RUNX2: variants seen among roughly 807,000 people sequenced by gnomAD.
RUNX2 encodes RUNX family transcription factor 2.
RUNX2 carries 10 observed loss-of-function variants against 51.7 expected under a neutral mutation model. The ratio of observed to expected loss-of-function variants is 0.19; its 90% CI spans 0.12 to 0.33. RUNX2 has a LOEUF of 0.33. RUNX2 is among the 10% of genes least tolerant of loss of function. The pLI is 1.00. For synonymous variants in RUNX2, 276 were observed against 273.6 expected (o/e 1.01, Z -0.09); for missense variants, 562 against 691.3 (o/e 0.81, Z 2.10).
intron 2 of RUNX2, among the ~76,000 whole-genome samples, chr6:45,347,798 CTGTT>C (rs71852451): frequency 0.17 from 25,948 of 151,494 alleles, 3,295 homozygotes; most frequent in African/African-American, 0.36. Flanking sequence ...CATTAAAACA[CTGTT>C]TGTCTATTTA....
chr6:45,372,050 C>A, intron 2 of RUNX2: 1 of 965,766 alleles, frequency 1.0e-6, no homozygotes, highest in Non-Finnish European at 1.2e-6. Context: ...CATAACTAAC[C>A]CAAAAGGCCT....
chr6:45,474,054 A>G (rs1051702242), intron 5 of RUNX2, among the ~76,000 whole-genome samples: 1 of 152,184 alleles, frequency 6.6e-6, no homozygotes, highest in Admixed American at 6.5e-5. Context: ...CCCTTAATCC[A>G]GTGAAATATG....
chr6:45,443,775 G>A (rs1220421405), intron 5 of RUNX2, among the ~76,000 whole-genome samples: 2 of 152,290 alleles, frequency 1.3e-5, no homozygotes, highest in East Asian at 3.9e-4. Flanking sequence ...TTAGATGTTT[G>A]AACAAAAAGA....
intron 5 of RUNX2, among the ~76,000 whole-genome samples, chr6:45,462,746 G>A (rs766301363): frequency 1.3e-5 from 2 of 152,242 alleles, no homozygotes; most frequent in African/African-American, 4.8e-5. Flanking sequence ...TGAAATCAAA[G>A]TGTGTACAAA....
intron 2 of RUNX2, among the ~76,000 whole-genome samples, chr6:45,397,607 CT>C (rs1797611885): frequency 1.3e-5 from 2 of 152,192 alleles, no homozygotes; most frequent in Admixed American, 1.3e-4. Flanking sequence ...TTGCTTTCCC[CT>C]AATGACTAGT....
At chr6:45,395,661 T>C (rs1313239151) in intron 2 of RUNX2, among the ~76,000 whole-genome samples, 3 of 152,308 alleles carry the variant, frequency 2.0e-5, no homozygotes, top group Middle Eastern at 3.4e-3. Flanking sequence ...TCATACACTA[T>C]TTAACCCAAG....
chr6:45,420,122 A>T (rs1395776378), intron 2 of RUNX2, among the ~76,000 whole-genome samples: 1 of 152,048 alleles, frequency 6.6e-6, no homozygotes, highest in Non-Finnish European at 1.5e-5. Context: ...GAGAGCGCAC[A>T]CCTGGCTACC....
intron 2 of RUNX2, among the ~76,000 whole-genome samples, chr6:45,338,825 C>T (rs11963924): frequency 0.23 from 34,324 of 151,872 alleles, 4,539 homozygotes; most frequent in Non-Finnish European, 0.31. Context: ...ATCCAGGGCA[C>T]AAAATTTAAG....
Position 45,546,926 on chromosome 6 carries a change from C to T in RUNX2, c.1187C>T (p.Ala396Val), listed in dbSNP as rs1022790945. 2 of 1,614,034 alleles carry T rather than the reference C, an allele frequency of 1.2e-6. No homozygotes were observed. Among genetic ancestry groups the T allele is most frequent in the South Asian group, 1.1e-5 (1 of 91,074 alleles). The change falls in exon 9 of 9, where the codon GCC becomes GTC. Residue 396 changes from alanine to valine, a missense_variant. Transcript: ENST00000647337. ...RFSNPRMHYP[A>V]TFTYTPPVTS... ...TCCAACCCACGAATGCACTATCCAG[C>T]CACCTTTACTTACACCCCGCCAGTC...
intron 6 of RUNX2, among the ~76,000 whole-genome samples, chr6:45,506,657 T>C (rs567622704): frequency 1.3e-5 from 2 of 152,122 alleles, no homozygotes; most frequent in South Asian, 4.2e-4. Context: ...AACAACAGTT[T>C]TGTTGTTGTT....
At chr6:45,360,237 C>G (rs1291824020) in intron 2 of RUNX2, among the ~76,000 whole-genome samples, 1 of 152,018 alleles carries the variant, frequency 6.6e-6, no homozygotes, top group East Asian at 1.9e-4. Context: ...ATTCTTTCGT[C>G]TATAAAAGGG....
chr6:45,432,298 G>A (rs900587487), intron 4 of RUNX2, among the ~76,000 whole-genome samples: 3 of 152,134 alleles, frequency 2.0e-5, no homozygotes, highest in Non-Finnish European at 2.9e-5. Context: ...AACAGTTGGA[G>A]GATCAACTTC....
chr6:45,384,835 A>T (rs1281665619), intron 2 of RUNX2, among the ~76,000 whole-genome samples: 3 of 148,254 alleles, frequency 2.0e-5, no homozygotes, highest in Non-Finnish European at 1.5e-5. Flanking sequence ...CTCCCACCTG[A>T]TGCTACAGAT....
chr6:45,429,971 G>A (rs1401325863), intron 3 of RUNX2, among the ~76,000 whole-genome samples: 6 of 151,998 alleles, frequency 3.9e-5, no homozygotes, highest in Non-Finnish European at 5.9e-5. Context: ...GTGCACACCT[G>A]TAATCCCAGC....
intron 2 of RUNX2, among the ~76,000 whole-genome samples, chr6:45,389,639 C>G (rs565920175): frequency 5.3e-5 from 8 of 152,156 alleles, no homozygotes; most frequent in Admixed American, 3.9e-4. Context: ...AGACAGCAAG[C>G]CTTAATTATA....
chr6:45,519,823 T>C lies in RUNX2; in HGVS notation c.1021+7416T>C, dbSNP rs545464778. On this transcript the variant is annotated intron_variant, in intron 7 of 8. Coordinates refer to ENST00000647337, the MANE Select transcript of RUNX2 (RefSeq NM_001024630.4). ...GTGTGTGTGTGTGTGTGTGTGTGTG[T>C]GTGTGTGTGTGTGTATATATTTGAG... is the stretch of plus-strand genomic sequence containing the variant. 4.7e-5 allele frequency among the ~76,000 whole-genome samples: 7 copies of C among 148,300 alleles called. No homozygotes were observed. The East Asian group carries it at 1.4e-3, about 29-fold the overall frequency.
intron 6 of RUNX2, among the ~76,000 whole-genome samples, chr6:45,506,808 T>TG (rs1800981948): frequency 6.6e-6 from 1 of 151,930 alleles, no homozygotes; most frequent in Non-Finnish European, 1.5e-5. Context: ...ACCCGGATAA[T>TG]TTTTGTATTT....
intron 2 of RUNX2, among the ~76,000 whole-genome samples, chr6:45,367,757 C>G (rs1046234829): frequency 3.3e-5 from 5 of 152,210 alleles, no homozygotes; most frequent in Non-Finnish European, 7.3e-5. Context: ...TGAGACACTG[C>G]TGGAGCAATC....
chr6:45,426,318 G>A (rs1349268160), intron 3 of RUNX2, among the ~76,000 whole-genome samples: 1 of 152,168 alleles, frequency 6.6e-6, no homozygotes, highest in Non-Finnish European at 1.5e-5. Context: ...CCTTAAAATA[G>A]TTAGGGCATA....
Sources: allele counts gnomAD v4.1 joint callset (sites outside exome capture counted in the v4.1 genomes callset), GRCh38; gene constraint gnomAD v4.1.1; transcripts MANE v1.5; gene names NCBI Gene and HGNC (gene_info 2026-07-23, HGNC 2026-07-21).